The following SDK2 variants were observed in gnomAD, a reference collection of about 807,000 sequenced individuals.
SDK2 encodes the protein protein sidekick-2.
In SDK2, 105 loss-of-function variants were observed where a neutral mutation model predicts 253.9. That is an observed-to-expected ratio of 0.41 (90% CI 0.35 to 0.49). The LOEUF (loss-of-function observed/expected upper bound fraction) is 0.49, where lower values mean the gene tolerates loss of function less well. SDK2 is among the 20% of genes least tolerant of loss of function. The pLI, the probability that SDK2 is intolerant of heterozygous loss-of-function variation, is 0.06. For missense variants in SDK2, 2,608 were observed against 3,003.0 expected (o/e 0.87, Z 3.07); for synonymous variants, 1,249 against 1,234.9 (o/e 1.01, Z -0.24).
chr17:73,348,767 C>CAGAGCG, intron 43 of SDK2, 42 bp from the exon 44 acceptor site: 1 of 1,582,206 alleles, frequency 6.3e-7, no homozygotes, highest in Non-Finnish European at 8.6e-7. Context: ...TGCACTCACT[C>CAGAGCG]AGAGCGGCCT....
chr17:73,393,872 G>T, intron 26 of SDK2, 123 bp from the exon 27 acceptor site: 4 of 738,544 alleles, frequency 5.4e-6, no homozygotes, highest in Non-Finnish European at 6.2e-6. Flanking sequence ...CCAGACCAGG[G>T]CTGGACCATG....
intron 2 of SDK2, among the ~76,000 whole-genome samples, chr17:73,488,084 C>T (rs961672940): frequency 4.6e-5 from 7 of 152,054 alleles, no homozygotes; most frequent in East Asian, 3.9e-4. Context: ...GGCGCGATCT[C>T]GGCTCACTGC....
chr17:73,438,631 A>AAGACAGACAGACAGACAGACAGAC (rs34644814), intron 6 of SDK2, among the ~76,000 whole-genome samples: 28 of 146,554 alleles, frequency 1.9e-4, no homozygotes, highest in African/African-American at 7.3e-4. Flanking sequence ...AAGGGCAGAC[A>AAGACAGACAGACAGACAGACAGAC]AGACAGACAG....
rs890599197 is a variant in SDK2 at position 73,531,522 on chromosome 17, T to C, written c.65-23925A>G. ...AATATTTTCTGAACTAACAAATTAGTCCTGCTGGGTTCACCTGCTAAGTAT... is the reference window on the plus strand; with the variant it reads ...AATATTTTCTGAACTAACAAATTAGCCCTGCTGGGTTCACCTGCTAAGTAT... On this transcript the variant is annotated intron_variant, in intron 1 of 44. Coordinates refer to ENST00000392650, the MANE Select transcript of SDK2 (RefSeq NM_001144952.2). Among the ~76,000 whole-genome samples, 19 of 152,290 alleles carry C rather than the reference T, an allele frequency of 1.2e-4. 1 individual carries two copies. In the South Asian group the frequency reaches 2.9e-3, roughly 23 times the overall value.
intron 18 of SDK2, among the ~76,000 whole-genome samples, chr17:73,413,830 G>T (rs527519776): frequency 6.6e-6 from 1 of 152,074 alleles, no homozygotes; most frequent in African/African-American, 2.4e-5. Flanking sequence ...AAGAACATGC[G>T]CAGGTTGCCA....
intron 39 of SDK2, among the ~76,000 whole-genome samples, chr17:73,360,047 A>C (rs2062627978): frequency 6.6e-6 from 1 of 152,180 alleles, no homozygotes; most frequent in African/African-American, 2.4e-5. Context: ...AAGCCTCAGG[A>C]TAGAACAGCC....
intron 27 of SDK2, among the ~76,000 whole-genome samples, chr17:73,393,282 G>A (rs1012356126): frequency 6.8e-5 from 10 of 147,808 alleles, no homozygotes; most frequent in Admixed American, 3.4e-4. Context: ...AAATTAAAAC[G>A]GGTGCAAGTC....
chr17:73,455,213 C>T lies in SDK2; in HGVS notation c.479+693G>A, dbSNP rs2063516617. Among the ~76,000 whole-genome samples, 1 of 152,038 alleles carries T rather than the reference C, an allele frequency of 6.6e-6. No homozygotes were observed. Among genetic ancestry groups the T allele is most frequent in the African/African-American group, 2.4e-5 (1 of 41,408 alleles). ...AGCTGGAGTTGGAAAGAGGAGAGCC[C>T]CAGCTGCCTCCAGACCCGGGGGTGG... On this transcript the variant is annotated intron_variant, in intron 4 of 44. Coordinates refer to ENST00000392650, the MANE Select transcript of SDK2 (RefSeq NM_001144952.2). This position sits in a 1 kb window ranked among gnomAD's most constrained non-coding sequence, Gnocchi z 5.0.
At chr17:73,571,948 C>T (rs982447739) in intron 1 of SDK2, among the ~76,000 whole-genome samples, 1 of 152,186 alleles carries the variant, frequency 6.6e-6, no homozygotes, top group Non-Finnish European at 1.5e-5. Flanking sequence ...AGGAGGAGCG[C>T]CCGCGGGGCC....
intron 12 of SDK2, among the ~76,000 whole-genome samples, chr17:73,427,543 T>C (rs1247207546): frequency 1.3e-5 from 2 of 151,420 alleles, no homozygotes; most frequent in African/African-American, 4.9e-5. Context: ...TTCTAGAACC[T>C]GGTTTCTCCA....
At chr17:73,429,485 C>A (rs1222852173) in intron 12 of SDK2, among the ~76,000 whole-genome samples, 1 of 152,200 alleles carries the variant, frequency 6.6e-6, no homozygotes, top group Non-Finnish European at 1.5e-5. Context: ...AGCCTGGAGC[C>A]CCTTGTACCA....
At chr17:73,521,926 G>A (rs2064082850) in intron 1 of SDK2, among the ~76,000 whole-genome samples, 1 of 152,154 alleles carries the variant, frequency 6.6e-6, no homozygotes, top group Non-Finnish European at 1.5e-5. Context: ...TAGGAACCAG[G>A]CAGGTGCCAG....
At chr17:73,371,937 G>A (rs548254735) in intron 36 of SDK2, among the ~76,000 whole-genome samples, 1 of 144,538 alleles carries the variant, frequency 6.9e-6, no homozygotes, top group East Asian at 2.1e-4. Flanking sequence ...TCCAGCCTGG[G>A]CAACGGAGCG....
rs554186674 is a variant in SDK2, at chr17:73,616,328, A to C, written c.64+27697T>G. Among the ~76,000 whole-genome samples, 2 of 151,418 alleles carry C rather than the reference A, an allele frequency of 1.3e-5. No homozygotes were observed. The highest frequency in any genetic ancestry group is 4.9e-5 in the African/African-American group (2 of 41,192). On this transcript the variant is annotated intron_variant, in intron 1 of 44. Coordinates refer to ENST00000392650, the MANE Select transcript of SDK2 (RefSeq NM_001144952.2). The surrounding 1 kb of genome is among the most constrained non-coding windows in gnomAD (Gnocchi z 5.2). Reference sequence around the variant, plus strand: ...ATTTCCACCCCCGGCTCCCCACCTCAACAGTCTCCCCAGCCCCAGCTCAGC... The same window carrying C: ...ATTTCCACCCCCGGCTCCCCACCTCCACAGTCTCCCCAGCCCCAGCTCAGC...
In SDK2 at chr17:73,423,637, G is replaced by A. The variant is rs148828170; in HGVS notation, c.1761-115C>T. Reference sequence around the variant, plus strand: ...CTTCCATGATACCGCATGCTTAGACGTAAAATGTGGCCTTCGGGCCATCTA... The same window carrying A: ...CTTCCATGATACCGCATGCTTAGACATAAAATGTGGCCTTCGGGCCATCTA... On this transcript the variant is annotated intron_variant, in intron 13 of 44. Transcript: ENST00000392650. The A allele has an allele frequency of 2.0e-4, 243 of 1,242,968 alleles. 1 individual carries two copies. In the African/African-American group the frequency reaches 3.1e-3, roughly 16 times the overall value. The allele number at this position is 1,242,968 out of a possible 1,614,324, so 77.0% of individuals were successfully genotyped here.
At position 73,483,684 on chromosome 17, in the gene SDK2, TATA is replaced by T. The variant is rs1567799361; in HGVS notation, c.225-11469_225-11467del. 1.1e-4 allele frequency among the ~76,000 whole-genome samples: 5 copies of T among 45,856 alleles called. 1 individual carries two copies. Among genetic ancestry groups the T allele is most frequent in the Non-Finnish European group, 1.2e-4 (3 of 24,856 alleles). 30.1% of individuals were successfully genotyped at this position (45,856 alleles called of 152,430 possible). On this transcript the variant is annotated intron_variant, in intron 2 of 44. Coordinates refer to ENST00000392650, the MANE Select transcript of SDK2 (RefSeq NM_001144952.2). ...GTGTATATATATATATATATATATT[TATA>T]TATATATATATATATATATATTTTT...
Position 73,534,832 on chromosome 17 carries a change from C to T in SDK2, c.65-27235G>A, listed in dbSNP as rs779352886. Among the ~76,000 whole-genome samples the T allele has an allele frequency of 3.3e-5, 5 of 152,136 alleles. No individual in the cohort carries two copies. Among genetic ancestry groups the T allele is most frequent in the African/African-American group, 4.8e-5 (2 of 41,436 alleles). On this transcript the variant is annotated intron_variant, in intron 1 of 44. Coordinates refer to ENST00000392650, the MANE Select transcript of SDK2 (RefSeq NM_001144952.2). The surrounding 1 kb of genome is among the most constrained non-coding windows in gnomAD (Gnocchi z 4.9). The stretch of plus-strand genomic sequence containing the variant: ...TCTCAGTAGGCTGGGGGCAGCGGGC[C>T]GGGCTCCCTGGACTCCTTTGCATCT...
At chr17:73,369,848 G>A (rs2062720032) in intron 36 of SDK2, among the ~76,000 whole-genome samples, 1 of 152,162 alleles carries the variant, frequency 6.6e-6, no homozygotes, top group Non-Finnish European at 1.5e-5. Flanking sequence ...ATTTCACCGT[G>A]TTAGCCAGGA....
At chr17:73,575,162 G>A (rs1019463748) in intron 1 of SDK2, among the ~76,000 whole-genome samples, 1 of 152,174 alleles carries the variant, frequency 6.6e-6, no homozygotes, top group Non-Finnish European at 1.5e-5. Context: ...GGTGATCCTG[G>A]GCAGGCTGCT....
Sources: gnomAD v4.1 joint callset for allele counts (sites outside exome capture counted in the v4.1 genomes callset) on GRCh38, gnomAD v4.1.1 for gene constraint, Gnocchi (gnomAD v3.1) non-coding constraint, MANE v1.5 for transcripts, NCBI Gene and HGNC (gene_info 2026-07-23, HGNC 2026-07-21) for gene names.